FAM13A: variants seen among roughly 807,000 people sequenced by gnomAD.
The protein encoded by FAM13A is protein FAM13A.
Under a neutral mutation model 129.6 loss-of-function variants are expected in FAM13A, and 76 were observed. The ratio of observed to expected loss-of-function variants is 0.59; its 90% CI spans 0.49 to 0.71. The LOEUF is 0.71. Ranked by LOEUF, FAM13A falls within the 30% of genes least tolerant of loss-of-function variation. The pLI is 0.00. For missense variants in FAM13A, 1,108 were observed against 1,249.3 expected (o/e 0.89, Z 1.70); for synonymous variants, 443 against 449.9 (o/e 0.98, Z 0.20).
At position 88,789,267 on chromosome 4, in the gene FAM13A, T is replaced by C. The variant is rs538995250; in HGVS notation, c.1091+1319A>G. On this transcript the variant is annotated intron_variant, in intron 9 of 23. Transcript: ENST00000264344. ...AAGAACATGTCAGCCTTGGTGCAGT[T>C]CTTGAATATCTTTGAAACTGACAAA... Among the ~76,000 whole-genome samples the C allele has an allele frequency of 2.1e-4, 32 of 152,284 alleles. No homozygotes were observed. The South Asian group carries it at 2.9e-3, about 14-fold the overall frequency.
chr4:88,921,389 C>T (rs1751060407), intron 5 of FAM13A, among the ~76,000 whole-genome samples: 1 of 152,094 alleles, frequency 6.6e-6, no homozygotes. Flanking sequence ...AGAGTGAGGG[C>T]CAATATTCAA....
intron 3 of FAM13A, among the ~76,000 whole-genome samples, chr4:89,019,302 G>A (rs573520144): frequency 6.6e-6 from 1 of 152,278 alleles, no homozygotes; most frequent in African/African-American, 2.4e-5. Context: ...GCTTTAGGTA[G>A]CACCCTTAAT....
At chr4:88,735,019 G>A (rs1738689051) in intron 21 of FAM13A, among the ~76,000 whole-genome samples, 1 of 152,196 alleles carries the variant, frequency 6.6e-6, no homozygotes, top group South Asian at 2.1e-4. Flanking sequence ...TGGTGTGTGT[G>A]CACACAGCAG....
chr4:88,863,883 C>T (rs1739938814), intron 6 of FAM13A, among the ~76,000 whole-genome samples: 2 of 152,026 alleles, frequency 1.3e-5, no homozygotes, highest in Admixed American at 1.3e-4. Flanking sequence ...GGTAAGTTTC[C>T]ACTTAAAGGA....
intron 5 of FAM13A, among the ~76,000 whole-genome samples, chr4:88,927,040 G>T (rs1013629876): frequency 2.0e-5 from 3 of 151,928 alleles, no homozygotes; most frequent in Non-Finnish European, 4.4e-5. Flanking sequence ...GGACATTAAG[G>T]TTAATTCTAT....
chr4:88,787,725 G>C lies in FAM13A; in HGVS notation c.1271+28C>G, dbSNP rs781231722. 7.5e-6 allele frequency: 12 copies of C among 1,604,168 alleles called. No individual in the cohort carries two copies. The East Asian group carries it at 2.5e-4, about 33-fold the overall frequency. ...TTTCTTTTAAAAAGAGAAAACTCAA[G>C]TAAGAGGAAGAATCAATGCCAACTC... On this transcript the variant is annotated intron_variant, in intron 10 of 23. Coordinates refer to ENST00000264344, the MANE Select transcript of FAM13A (RefSeq NM_014883.4).
chr4:88,924,941 G>C (rs7665826), intron 5 of FAM13A, among the ~76,000 whole-genome samples: 1 of 150,094 alleles, frequency 6.7e-6, no homozygotes, highest in Admixed American at 6.6e-5. Flanking sequence ...GCAGCCAAAA[G>C]ACACATGAAA....
intron 14 of FAM13A, among the ~76,000 whole-genome samples, chr4:88,752,673 C>T (rs1428247749): frequency 2.0e-5 from 3 of 152,026 alleles, no homozygotes; most frequent in African/African-American, 7.3e-5. Flanking sequence ...AGTGGTAGGA[C>T]TTGGGCACAA....
intron 7 of FAM13A, among the ~76,000 whole-genome samples, chr4:88,829,468 T>C (rs1733540078): frequency 1.3e-5 from 2 of 152,196 alleles, no homozygotes; most frequent in African/African-American, 4.8e-5. Flanking sequence ...TGTCAATCTT[T>C]GTAAAACACA....
At chr4:88,922,995 A>C (rs1298388208) in intron 5 of FAM13A, among the ~76,000 whole-genome samples, 1 of 152,326 alleles carries the variant, frequency 6.6e-6, no homozygotes, top group African/African-American at 2.4e-5. Context: ...CCAAGACTAA[A>C]CCAGGAAGAA....
At chr4:88,946,012 ATATATATATATG>A (rs1341517002) in intron 4 of FAM13A, among the ~76,000 whole-genome samples, 1 of 113,496 alleles carries the variant, frequency 8.8e-6, no homozygotes, top group African/African-American at 3.1e-5. Flanking sequence ...ATATATATAT[ATATATATATATG>A]TAATCCAAAT....
At chr4:88,958,054 G>C (rs1415917169) in intron 4 of FAM13A, among the ~76,000 whole-genome samples, 1 of 152,010 alleles carries the variant, frequency 6.6e-6, no homozygotes, top group Non-Finnish European at 1.5e-5. Flanking sequence ...TGTGCAGCCT[G>C]GCCAAGCGTC....
rs551501389 is a variant in FAM13A at position 88,769,651 on chromosome 4, G to T, written c.1459-1592C>A. Among the ~76,000 whole-genome samples, 11 of 152,150 alleles carry T rather than the reference G, an allele frequency of 7.2e-5. No homozygotes were observed. The East Asian group carries it at 2.1e-3, about 29-fold the overall frequency. On this transcript the variant is annotated intron_variant, in intron 11 of 23. Coordinates refer to ENST00000264344, the MANE Select transcript of FAM13A (RefSeq NM_014883.4). ...GATCGAGACCATCCTGACCAACATAGTGAAACCCCATCTCTACTAAAAATA... is the reference window on the plus strand; with the variant it reads ...GATCGAGACCATCCTGACCAACATATTGAAACCCCATCTCTACTAAAAATA...
chr4:89,009,336 A>G (rs1169049793), intron 3 of FAM13A, among the ~76,000 whole-genome samples: 1 of 152,182 alleles, frequency 6.6e-6, no homozygotes, highest in Non-Finnish European at 1.5e-5. Flanking sequence ...AAAGACCCAA[A>G]GGTACCAGAG....
intron 7 of FAM13A, among the ~76,000 whole-genome samples, chr4:88,848,755 G>T (rs1324083912): frequency 6.6e-6 from 1 of 152,116 alleles, no homozygotes; most frequent in Non-Finnish European, 1.5e-5. Context: ...TATATTCCTA[G>T]AATTACTCCC....
intron 7 of FAM13A, among the ~76,000 whole-genome samples, chr4:88,835,823 T>C (rs1445160297): frequency 6.6e-6 from 1 of 152,064 alleles, no homozygotes; most frequent in African/African-American, 2.4e-5. Flanking sequence ...TAAATAAAGA[T>C]GAGGCTTCAC....
At chr4:88,823,224 T>C in intron 7 of FAM13A, 5 of 1,396,346 alleles carry the variant, frequency 3.6e-6, no homozygotes, top group Non-Finnish European at 4.6e-6. Context: ...GCTGCTTCTC[T>C]ACATTTACAC....
chr4:88,739,498 A>G (rs72870511), intron 19 of FAM13A, among the ~76,000 whole-genome samples: 26,416 of 151,618 alleles, frequency 0.17, 2,932 homozygotes, highest in South Asian at 0.31. Context: ...ATGTAGGCCA[A>G]GCATGGTGGA....
At chr4:88,849,711 C>T (rs1029872956) in intron 7 of FAM13A, among the ~76,000 whole-genome samples, 2 of 152,142 alleles carry the variant, frequency 1.3e-5, no homozygotes, top group Non-Finnish European at 2.9e-5. Context: ...ACAGGGGCCT[C>T]GTTGGTTTTG....
Sources: gnomAD v4.1 joint callset for allele counts (sites outside exome capture counted in the v4.1 genomes callset) on GRCh38, gnomAD v4.1.1 for gene constraint, MANE v1.5 for transcripts, NCBI Gene and HGNC (gene_info 2026-07-23, HGNC 2026-07-21) for gene names.